Variants in BNC2 observed in about 807,000 individuals in gnomAD.
The protein encoded by BNC2 is zinc finger protein basonuclin-2.
BNC2 carries 20 observed loss-of-function variants against 76.3 expected under a neutral mutation model. The observed-to-expected ratio is 0.26, with a 90% confidence interval of 0.18 to 0.38. The LOEUF (loss-of-function observed/expected upper bound fraction) is 0.38, where lower values mean the gene tolerates loss of function less well. BNC2 is among the 10% of genes least tolerant of loss of function. The pLI, the probability that BNC2 is intolerant of heterozygous loss-of-function variation, is 1.00. For missense variants in BNC2, 1,382 were observed against 1,399.8 expected (o/e 0.99, Z 0.20); for synonymous variants, 582 against 514.8 (o/e 1.13, Z -1.77).
intron 3 of BNC2, among the ~76,000 whole-genome samples, chr9:16,675,702 T>C (rs1203841408): frequency 1.3e-5 from 2 of 152,228 alleles, no homozygotes; most frequent in Non-Finnish European, 2.9e-5. Flanking sequence ...TACGTGATTT[T>C]GGTTAAGTCT....
intron 4 of BNC2, among the ~76,000 whole-genome samples, chr9:16,571,609 C>T (rs995429215): frequency 6.6e-6 from 1 of 152,058 alleles, no homozygotes; most frequent in Non-Finnish European, 1.5e-5. Context: ...CCCTTGTCTC[C>T]TGTCTACTTT....
intron 5 of BNC2, among the ~76,000 whole-genome samples, chr9:16,459,138 C>G (rs1821518809): frequency 6.6e-6 from 1 of 152,178 alleles, no homozygotes; most frequent in Non-Finnish European, 1.5e-5. Flanking sequence ...CATCCATATA[C>G]ATGCATTTCC....
intron 1 of BNC2, among the ~76,000 whole-genome samples, chr9:16,862,908 T>G (rs1819445963): frequency 9.1e-6 from 1 of 109,944 alleles, no homozygotes; most frequent in African/African-American, 3.6e-5. Context: ...TAGCTATATA[T>G]AGATAGATTT....
chr9:16,837,207 T>C (rs1457423636), intron 1 of BNC2, among the ~76,000 whole-genome samples: 1 of 152,184 alleles, frequency 6.6e-6, no homozygotes, highest in Non-Finnish European at 1.5e-5. Context: ...AACATAATCT[T>C]AGAAAACCAT....
chr9:16,818,864 A>T (rs1443199594), intron 1 of BNC2, among the ~76,000 whole-genome samples: 1 of 107,744 alleles, frequency 9.3e-6, no homozygotes, highest in Non-Finnish European at 2.0e-5. Flanking sequence ...GGAGTGAGGC[A>T]TTTTTTAAAG....
chr9:16,459,736 A>G (rs1563793603), intron 5 of BNC2, among the ~76,000 whole-genome samples: 2 of 152,192 alleles, frequency 1.3e-5, no homozygotes. Context: ...AGATGTCCCA[A>G]TTAATCACAA....
intron 5 of BNC2, among the ~76,000 whole-genome samples, chr9:16,448,389 T>C (rs536823191): frequency 1.3e-5 from 2 of 152,114 alleles, no homozygotes; most frequent in Non-Finnish European, 2.9e-5. Context: ...GGGCCAAAAC[T>C]TGAACAATTC....
chr9:16,609,374 C>T (rs912884029), intron 3 of BNC2, among the ~76,000 whole-genome samples: 1 of 152,038 alleles, frequency 6.6e-6, no homozygotes, highest in Non-Finnish European at 1.5e-5. Flanking sequence ...GAAGAGAAGG[C>T]GCACCAACCT....
chr9:16,493,440 A>T (rs1029328936), intron 5 of BNC2, among the ~76,000 whole-genome samples: 1 of 152,232 alleles, frequency 6.6e-6, no homozygotes, highest in Admixed American at 6.5e-5. Context: ...CAACTCATTC[A>T]TTCAGAGCTG....
At chr9:16,794,046 A>G (rs1346801569) in intron 1 of BNC2, among the ~76,000 whole-genome samples, 1 of 151,580 alleles carries the variant, frequency 6.6e-6, no homozygotes, top group Admixed American at 6.6e-5. Flanking sequence ...AATGATATAC[A>G]TTGGATTGTG....
At chr9:16,628,624 C>A (rs1309858808) in intron 3 of BNC2, among the ~76,000 whole-genome samples, 4 of 152,146 alleles carry the variant, frequency 2.6e-5, no homozygotes, top group Non-Finnish European at 5.9e-5. Flanking sequence ...CACACACAAA[C>A]ACACACGCAG....
rs574050189 is a variant in BNC2, at chr9:16,691,666, C to A, written c.330+36131G>T. On this transcript the variant is annotated intron_variant, in intron 3 of 6. Coordinates refer to ENST00000380672, the MANE Select transcript of BNC2 (RefSeq NM_017637.6). ...CTGGGACTACAAGCACCCACCACCACGCCCAGCTAATTTTTTGTATTTTTA... is the reference window on the plus strand; with the variant it reads ...CTGGGACTACAAGCACCCACCACCAAGCCCAGCTAATTTTTTGTATTTTTA... 1.1e-4 allele frequency among the ~76,000 whole-genome samples: 17 copies of A among 151,650 alleles called. 1 individual carries two copies. The highest frequency in any genetic ancestry group is 5.9e-4 in the Admixed American group (9 of 15,238).
At chr9:16,769,324 G>C (rs1825774010) in intron 1 of BNC2, among the ~76,000 whole-genome samples, 1 of 152,056 alleles carries the variant, frequency 6.6e-6, no homozygotes, top group South Asian at 2.1e-4. Context: ...GCATAAAATA[G>C]GTGTCTAATA....
intron 5 of BNC2, among the ~76,000 whole-genome samples, chr9:16,516,687 AGT>A (rs1251583316): frequency 6.6e-6 from 1 of 152,174 alleles, no homozygotes; most frequent in Non-Finnish European, 1.5e-5. Flanking sequence ...TAAAATCCAA[AGT>A]CATTTGAAAA....
chr9:16,630,523 G>T (rs931775570), intron 3 of BNC2, among the ~76,000 whole-genome samples: 52 of 152,158 alleles, frequency 3.4e-4, no homozygotes, highest in African/African-American at 1.2e-3. Flanking sequence ...TAACACCTGT[G>T]TGGAAGGAAC....
intron 3 of BNC2, among the ~76,000 whole-genome samples, chr9:16,662,180 T>G (rs1822128592): frequency 6.6e-6 from 1 of 152,238 alleles, no homozygotes; most frequent in African/African-American, 2.4e-5. Flanking sequence ...CTACTTTGTG[T>G]ACTCAGAATA....
intron 1 of BNC2, among the ~76,000 whole-genome samples, chr9:16,801,838 C>T (rs1247708658): frequency 6.6e-6 from 1 of 151,878 alleles, no homozygotes; most frequent in Middle Eastern, 3.2e-3. Flanking sequence ...TTCAAAACAG[C>T]TGTGTGAAGG....
chr9:16,574,777 T>C (rs1371473061), intron 4 of BNC2, among the ~76,000 whole-genome samples: 4 of 152,230 alleles, frequency 2.6e-5, no homozygotes, highest in South Asian at 2.1e-4. Flanking sequence ...TGCCAGAATA[T>C]TGGGCTAACC....
intron 5 of BNC2, among the ~76,000 whole-genome samples, chr9:16,516,851 G>A (rs945313429): frequency 4.6e-5 from 7 of 152,148 alleles, no homozygotes; most frequent in South Asian, 4.1e-4. Context: ...AAATAATCAG[G>A]TGATTCTAAC....
Sources: gnomAD v4.1 joint callset for allele counts (sites outside exome capture counted in the v4.1 genomes callset) on GRCh38, gnomAD v4.1.1 for gene constraint, MANE v1.5 for transcripts, NCBI Gene and HGNC (gene_info 2026-07-23, HGNC 2026-07-21) for gene names.